The following PHRF1 variants were observed in gnomAD, a reference collection of about 807,000 sequenced individuals.
PHRF1 encodes the protein PHD and RING finger domain-containing protein 1.
PHRF1 carries 53 observed loss-of-function variants against 128.9 expected under a neutral mutation model. The observed-to-expected ratio is 0.41, with a 90% CI of 0.33 to 0.52. PHRF1 has a LOEUF of 0.52. PHRF1 is among the 20% of genes least tolerant of loss of function. The pLI is 0.21. For missense variants in PHRF1, 2,503 were observed against 2,284.5 expected, an observed-to-expected ratio of 1.10 and a Z score of -1.95; for synonymous variants, 1,178 against 980.6, an observed-to-expected ratio of 1.20 and a Z score of -3.76.
chr11:605,776 G>T (rs1855903961), intron 12 of PHRF1, 52 bp downstream of exon 12: 1 of 1,558,754 alleles, frequency 6.4e-7, no homozygotes. Flanking sequence ...TTGGGCATCG[G>T]ATGGGAGTTC....
At position 605,725 on chromosome 11, in the gene PHRF1, G is replaced by C. The variant is rs1211014808; in HGVS notation, c.1454+1G>C. On this transcript the variant is annotated splice_donor_variant, in intron 12 of 17. Coordinates refer to ENST00000264555, the MANE Select transcript of PHRF1 (RefSeq NM_001286581.2). LOFTEE classifies it high-confidence loss of function. ...GGCCCGTCTCCGTGGGGCTTTCCAG[G>C]TGTGTGAGGGCAGAGGCTTCTGGGG... is the stretch of plus-strand genomic sequence containing the variant. 1 of 1,608,712 alleles carries C rather than the reference G, an allele frequency of 6.2e-7. No homozygotes were observed. The highest frequency in any genetic ancestry group is 1.1e-5 in the South Asian group (1 of 90,882).
At chr11:588,774 C>T (rs879485602) in intron 4 of PHRF1, among the ~76,000 whole-genome samples, 9 of 151,950 alleles carry the variant, frequency 5.9e-5, no homozygotes, top group Admixed American at 3.3e-4. Context: ...TATGTATTTT[C>T]TGTCTGGCAT....
At position 611,790 on chromosome 11, in the gene PHRF1, A is replaced by G. The variant is rs748583184; in HGVS notation, c.*13A>G. On this transcript the variant is annotated 3_prime_UTR_variant, in exon 18 of 18. Transcript: ENST00000264555. ...GGCCGAGGGCTGAGGCCAGGCAATC[A>G]CGGGCTATGCCCGGGGAGCTGTCGG... 5.0e-6 allele frequency: 8 copies of G among 1,589,954 alleles called. No homozygotes were observed. The highest frequency in any genetic ancestry group is 4.3e-6 in the Non-Finnish European group (5 of 1,169,682).
rs1014645337 is a variant in PHRF1, at chr11:611,761, A to G, written c.4934A>G (p.Gln1645Arg). The change falls in exon 18 of 18, where the codon CAG becomes CGG. Residue 1645 changes from glutamine (Q) to arginine (R), a missense_variant. Gln to Arg is a conservative substitution (Grantham distance 43). Transcript: ENST00000264555. ...KPEAGEEPPT[Q>R]GAEG is the part of the protein sequence containing the mutation. Reference sequence around the variant, plus strand: ...GAGGCCGGGGAGGAGCCGCCCACGCAGGGGGCCGAGGGCTGAGGCCAGGCA... The same window carrying G: ...GAGGCCGGGGAGGAGCCGCCCACGCGGGGGGCCGAGGGCTGAGGCCAGGCA... 1.9e-6 allele frequency: 3 copies of G among 1,606,336 alleles called. No homozygotes were observed. The highest frequency in any genetic ancestry group is 2.2e-5 in the South Asian group (2 of 90,474).
chr11:600,085 C>A (rs1213672285), intron 9 of PHRF1, among the ~76,000 whole-genome samples: 1 of 151,730 alleles, frequency 6.6e-6, no homozygotes, highest in Non-Finnish European at 1.5e-5. Flanking sequence ...AAGCAGTCCA[C>A]CTGCCTCGGC....
At chr11:603,018 C>A (rs1177027329) in intron 10 of PHRF1, among the ~76,000 whole-genome samples, 2 of 151,942 alleles carry the variant, frequency 1.3e-5, no homozygotes, top group Non-Finnish European at 2.9e-5. Flanking sequence ...ACCTCGGCCC[C>A]CAAAGTGCTG....
rs1301242625 is a variant in PHRF1, at chr11:601,669, C to T, written c.1120C>T (p.Arg374Ter). The T allele has an allele frequency of 1.2e-6, 2 of 1,613,792 alleles. No individual in the cohort carries two copies. The highest frequency in any genetic ancestry group is 1.7e-6 in the Non-Finnish European group (2 of 1,179,870). Reference sequence around the variant, plus strand: ...GACAAGATCTAAGAAACGCCAACATCGAGTGAAGAAGAGAAGAGGGAAGAA... The same window carrying T: ...GACAAGATCTAAGAAACGCCAACATTGAGTGAAGAAGAGAAGAGGGAAGAA... ...SATRSKKRQH[R>*]VKKRRGKKVK... The change falls in exon 10 of 18, where the codon CGA (arginine) becomes TGA (stop). Residue 374 changes from arginine (R) to a stop codon, truncating the protein, a stop_gained. Transcript: ENST00000264555. LOFTEE classifies it high-confidence loss of function.
intron 2 of PHRF1, among the ~76,000 whole-genome samples, 176 bp downstream of exon 2, chr11:581,782 C>G (rs141399439): frequency 5.2e-5 from 8 of 152,386 alleles, no homozygotes; most frequent in African/African-American, 1.4e-4. Flanking sequence ...GCAAACAACA[C>G]AAATGTTGAA....
chr11:581,405 T>C, intron 1 of PHRF1, 87 bp from the exon 2 acceptor site: 1 of 1,082,856 alleles, frequency 9.2e-7, no homozygotes, highest in Non-Finnish European at 1.3e-6. Context: ...CACGGGGATG[T>C]GGCCTGTGGG....
At chr11:601,454 C>G (rs1429203821) in intron 9 of PHRF1, 120 bp from the exon 10 acceptor site, 10 of 1,382,776 alleles carry the variant, frequency 7.2e-6, no homozygotes, top group Non-Finnish European at 9.8e-6. Context: ...AAATTGCAAG[C>G]CGGTGCGTGT....
intron 9 of PHRF1, among the ~76,000 whole-genome samples, chr11:600,625 G>C (rs956434804): frequency 6.6e-6 from 1 of 151,610 alleles, no homozygotes; most frequent in Admixed American, 6.6e-5. Flanking sequence ...GAGATCAGGA[G>C]TTCAAGACCA....
chr11:581,459 G>T (rs761740991), intron 1 of PHRF1, 33 bp from the exon 2 acceptor site: 8 of 1,598,716 alleles, frequency 5.0e-6, no homozygotes, highest in Non-Finnish European at 6.8e-6. Context: ...GCCTGGGACA[G>T]TTTGGAAGTT....
rs12363914 is a variant in PHRF1, at chr11:603,816, C to A, written c.1153-1303C>A. Among the ~76,000 whole-genome samples the A allele has an allele frequency of 2.3e-3, 324 of 142,282 alleles. 2 individuals are homozygous for A. The highest frequency in any genetic ancestry group is 0.011 in the Middle Eastern group (3 of 262). 93.3% of individuals were successfully genotyped at this position (142,282 alleles called of 152,430 possible). On this transcript the variant is annotated intron_variant, in intron 10 of 17. Transcript: ENST00000264555. ...GTAGTATGATCTCAGCTCACTGCAACCTCGGCCTCCCAAATAGCTGGGATC... is the reference window on the plus strand; with the variant it reads ...GTAGTATGATCTCAGCTCACTGCAAACTCGGCCTCCCAAATAGCTGGGATC...
intron 9 of PHRF1, among the ~76,000 whole-genome samples, chr11:599,253 C>CTTTTTTTTTTTTTTTTTTTTTTT (rs754658303): frequency 3.7e-4 from 39 of 104,978 alleles, no homozygotes; most frequent in East Asian, 7.5e-4. Context: ...TTTTTCTTTT[C>CTTTTTTTTTTTTTTTTTTTTTTT]TTTTTTTTTT....
intron 1 of PHRF1, among the ~76,000 whole-genome samples, chr11:576,936 C>T (rs1198648524): frequency 6.6e-6 from 1 of 151,690 alleles, no homozygotes. Flanking sequence ...CCGTGGCCTG[C>T]GGGCGGACGT....
chr11:597,304 G>A lies in PHRF1; in HGVS notation c.719-91G>A. On this transcript the variant is annotated intron_variant, in intron 7 of 17. Coordinates refer to ENST00000264555, the MANE Select transcript of PHRF1 (RefSeq NM_001286581.2). The surrounding 1 kb of genome is among the most constrained non-coding windows in gnomAD (Gnocchi z 6.5). ...TGTGCACAGGTCAGCCCGAGCCAGGGCTGCTACTTGGCCGGCAGCCACAGG... is the reference window on the plus strand; with the variant it reads ...TGTGCACAGGTCAGCCCGAGCCAGGACTGCTACTTGGCCGGCAGCCACAGG... 1 of 1,486,746 alleles carries A rather than the reference G, an allele frequency of 6.7e-7. No individual in the cohort carries two copies. Among genetic ancestry groups the A allele is most frequent in the Non-Finnish European group, 9.1e-7 (1 of 1,102,012 alleles). 92.1% of individuals were successfully genotyped at this position (1,486,746 alleles called of 1,614,324 possible).
chr11:581,151 C>T (rs1402455662), intron 1 of PHRF1, among the ~76,000 whole-genome samples: 2 of 149,008 alleles, frequency 1.3e-5, no homozygotes, highest in African/African-American at 4.9e-5. Flanking sequence ...TTTTTATTTT[C>T]TGGCCGGGTA....
At chr11:583,864 T>A (rs532628386) in intron 3 of PHRF1, among the ~76,000 whole-genome samples, 7 of 152,224 alleles carry the variant, frequency 4.6e-5, no homozygotes, top group Non-Finnish European at 8.8e-5. Flanking sequence ...CCGGCCCTGC[T>A]GTGGTTGCTT....
intron 8 of PHRF1, 87 bp from the exon 9 acceptor site, chr11:598,286 G>C (rs572166901): frequency 3.4e-6 from 5 of 1,475,880 alleles, no homozygotes; most frequent in African/African-American, 1.4e-5. Flanking sequence ...CTGCCATTGT[G>C]GGCTGTGTTC....
Sources: allele counts gnomAD v4.1 joint callset (sites outside exome capture counted in the v4.1 genomes callset), GRCh38; gene constraint gnomAD v4.1.1; non-coding constraint Gnocchi (gnomAD v3.1); transcripts MANE v1.5; gene names NCBI Gene and HGNC (gene_info 2026-07-23, HGNC 2026-07-21).